The following BOLL variants were observed in gnomAD, a reference collection of about 807,000 sequenced individuals.
BOLL encodes the protein boule RNA binding protein.
Under a neutral mutation model 44.4 loss-of-function variants are expected in BOLL, and 23 were observed. The ratio of observed to expected loss-of-function variants is 0.52; its 90% confidence interval spans 0.37 to 0.73. The LOEUF is 0.73. BOLL is among the 30% of genes least tolerant of loss of function. The pLI is 0.00. For missense variants in BOLL, 287 were observed against 338.3 expected (o/e 0.85, Z 1.19); for synonymous variants, 97 against 110.8 (o/e 0.88, Z 0.78).
chr2:197,747,456 G>A (rs1358019524), intron 9 of BOLL, among the ~76,000 whole-genome samples: 1 of 151,750 alleles, frequency 6.6e-6, no homozygotes, highest in South Asian at 2.1e-4. Context: ...GGTGGCACAC[G>A]CCTGTAGTCC....
intron 7 of BOLL, among the ~76,000 whole-genome samples, chr2:197,765,828 G>T (rs1278688041): frequency 1.3e-5 from 2 of 151,744 alleles, no homozygotes; most frequent in African/African-American, 4.8e-5. Context: ...TATCTTTTCT[G>T]CTCTTCTCCC....
chr2:197,770,585 G>T (rs1411104183), intron 6 of BOLL, among the ~76,000 whole-genome samples: 1 of 152,082 alleles, frequency 6.6e-6, no homozygotes, highest in Non-Finnish European at 1.5e-5. Flanking sequence ...GAAAATTTTT[G>T]CAATCTACCC....
intron 10 of BOLL, among the ~76,000 whole-genome samples, chr2:197,739,882 T>G (rs1574810211): frequency 6.6e-6 from 1 of 152,340 alleles, no homozygotes; most frequent in African/African-American, 2.4e-5. Context: ...TCCATCACTT[T>G]GTGATATAGC....
At chr2:197,734,805 G>C (rs1190809017) in intron 10 of BOLL, among the ~76,000 whole-genome samples, 1 of 152,126 alleles carries the variant, frequency 6.6e-6, no homozygotes, top group East Asian at 1.9e-4. Flanking sequence ...AGAGGGGACT[G>C]TTGCGGGTGG....
intron 10 of BOLL, among the ~76,000 whole-genome samples, chr2:197,741,319 G>A (rs965853690): frequency 3.9e-5 from 6 of 152,048 alleles, no homozygotes; most frequent in Non-Finnish European, 5.9e-5. Context: ...TGTGATGTTT[G>A]TACATTGATT....
At chr2:197,741,031 G>T (rs560685992) in intron 10 of BOLL, among the ~76,000 whole-genome samples, 300 of 152,248 alleles carry the variant, frequency 2.0e-3, no homozygotes, top group Non-Finnish European at 3.5e-3. Flanking sequence ...GCCATTGGTA[G>T]CTTGATGGGG....
Position 197,781,853 on chromosome 2 carries a change from G to T in BOLL, c.-3C>A, listed in dbSNP as rs780872883. On this transcript the variant is annotated 5_prime_UTR_variant, in exon 2 of 11. Transcript: ENST00000392296. ...GGAGATAATGAATCTGTTTGCATCT[G>T]GTTTGATGTTTGCTGTAAAATAAAA... 1 of 1,591,642 alleles carries T rather than the reference G, an allele frequency of 6.3e-7. No homozygotes were observed. The highest frequency in any genetic ancestry group is 1.7e-5 in the Admixed American group (1 of 59,346).
intron 10 of BOLL, among the ~76,000 whole-genome samples, chr2:197,736,511 A>G (rs903582190): frequency 6.6e-6 from 1 of 152,098 alleles, no homozygotes; most frequent in African/African-American, 2.4e-5. Flanking sequence ...TCGTTTTGCT[A>G]ATTGTTTCAA....
intron 7 of BOLL, among the ~76,000 whole-genome samples, chr2:197,765,194 G>A (rs1341756687): frequency 6.6e-6 from 1 of 152,118 alleles, no homozygotes; most frequent in Non-Finnish European, 1.5e-5. Flanking sequence ...GGAGTAGGAA[G>A]AGGGTGAGGG....
upstream of BOLL, chr2:197,785,930 C>G: frequency 7.0e-7 from 1 of 1,436,990 alleles, no homozygotes; most frequent in Non-Finnish European, 9.7e-7. The surrounding 1 kb of genome is among the most constrained non-coding windows in gnomAD (Gnocchi z 6.7). Context: ...AGGCTCCACG[C>G]TGCTCCTTCT....
At chr2:197,751,819 A>C (rs568322937) in intron 9 of BOLL, among the ~76,000 whole-genome samples, 1 of 151,208 alleles carries the variant, frequency 6.6e-6, no homozygotes, top group South Asian at 2.1e-4. Context: ...TCCTGATACC[A>C]AAACCTGTCA....
chr2:197,784,630 AT>A (rs1431631546), intron 1 of BOLL: 5 of 756,958 alleles, frequency 6.6e-6, no homozygotes, highest in South Asian at 5.7e-5. Context: ...GGTTTTCACC[AT>A]TTTGGCCAGG....
In BOLL at chr2:197,785,207, T is replaced by C; in HGVS notation, c.-167A>G. On this transcript the variant is annotated 5_prime_UTR_variant, in exon 1 of 11. Transcript: ENST00000392296. This position sits in a 1 kb window ranked among gnomAD's most constrained non-coding sequence, Gnocchi z 6.7. Reference sequence around the variant, plus strand: ...AGGATCCACCCCCTCCCCACCAAAGTGCGGGAGGGAAAAGAAGGCTAGCCA... The same window carrying C: ...AGGATCCACCCCCTCCCCACCAAAGCGCGGGAGGGAAAAGAAGGCTAGCCA... 6 of 985,596 alleles carry C rather than the reference T, an allele frequency of 6.1e-6. No individual in the cohort carries two copies. In the African/African-American group the frequency reaches 1.0e-4, roughly 17 times the overall value. 61.1% of individuals were successfully genotyped at this position (985,596 alleles called of 1,614,324 possible).
chr2:197,750,535 C>A (rs1056547702), intron 9 of BOLL, among the ~76,000 whole-genome samples: 5 of 152,014 alleles, frequency 3.3e-5, no homozygotes, highest in Non-Finnish European at 7.4e-5. Context: ...CAACAAAGAT[C>A]AAAAAAGACA....
chr2:197,761,359 A>C (rs1339217577), intron 7 of BOLL, among the ~76,000 whole-genome samples: 1 of 152,216 alleles, frequency 6.6e-6, no homozygotes, highest in Non-Finnish European at 1.5e-5. Context: ...CTTACAAAAA[A>C]AATACTCAAG....
chr2:197,730,214 C>T (rs1465903269), intron 10 of BOLL, among the ~76,000 whole-genome samples: 1,067 of 132,082 alleles, frequency 8.1e-3, no homozygotes, highest in African/African-American at 0.031. Flanking sequence ...AGGGTATCAG[C>T]GATGGAAGAT....
Position 197,755,333 on chromosome 2 carries a change from T to G in BOLL, c.729+1095A>C, listed in dbSNP as rs186427008. On this transcript the variant is annotated intron_variant, in intron 9 of 10. Transcript: ENST00000392296. ...AGTTCAACCATTGTGGAAGACAGTGTGGTGATTCCTCAAAGACCTAGAGGC... is the reference window on the plus strand; with the variant it reads ...AGTTCAACCATTGTGGAAGACAGTGGGGTGATTCCTCAAAGACCTAGAGGC... Among the ~76,000 whole-genome samples the G allele has an allele frequency of 1.5e-4, 23 of 152,382 alleles. No individual in the cohort carries two copies. The Middle Eastern group carries it at 0.01, about 68-fold the overall frequency.
chr2:197,755,626 A>C (rs1034400787), intron 9 of BOLL, among the ~76,000 whole-genome samples: 1 of 152,228 alleles, frequency 6.6e-6, no homozygotes, highest in African/African-American at 2.4e-5. Context: ...CATTATCCTC[A>C]GCAAACTAAC....
At position 197,771,835 on chromosome 2, in the gene BOLL, T is replaced by C. The variant is rs1689279604; in HGVS notation, c.480+20A>G. Reference sequence around the variant, plus strand: ...TTGATAGTAATAGATGGAAATCCTTTTTTAAATGAAATTACTTACAGGCCA... The same window carrying C: ...TTGATAGTAATAGATGGAAATCCTTCTTTAAATGAAATTACTTACAGGCCA... On this transcript the variant is annotated intron_variant, in intron 6 of 10. Coordinates refer to ENST00000392296, the MANE Select transcript of BOLL (RefSeq NM_033030.6). 6.5e-7 allele frequency: 1 copy of C among 1,544,226 alleles called. No homozygotes were observed. The highest frequency in any genetic ancestry group is 8.7e-7 in the Non-Finnish European group (1 of 1,146,078).
Sources: allele counts gnomAD v4.1 joint callset (sites outside exome capture counted in the v4.1 genomes callset), GRCh38; gene constraint gnomAD v4.1.1; non-coding constraint Gnocchi (gnomAD v3.1); transcripts MANE v1.5; gene names NCBI Gene and HGNC (gene_info 2026-07-23, HGNC 2026-07-21).